The following ZBTB4 variants were observed in gnomAD, a reference collection of about 807,000 sequenced individuals.
The protein encoded by ZBTB4 is zinc finger and BTB domain-containing protein 4.
In ZBTB4, 14 loss-of-function variants were observed where a neutral mutation model predicts 59.8. The ratio of observed to expected loss-of-function variants is 0.23; its 90% CI spans 0.15 to 0.37. The LOEUF is 0.37. Ranked by LOEUF, ZBTB4 falls within the 10% of genes least tolerant of loss-of-function variation. The pLI is 1.00. For synonymous variants in ZBTB4, 587 were observed against 575.2 expected, an observed-to-expected ratio of 1.02 and a Z score of -0.29; for missense variants, 1,198 against 1,380.8, an observed-to-expected ratio of 0.87 and a Z score of 2.10.
Position 7,462,575 on chromosome 17 carries a change from A to T in ZBTB4, c.2407T>A (p.Ser803Thr). The change falls in exon 4 of 4, where the codon TCC (serine) becomes ACC (threonine). Residue 803 changes from serine (S) to threonine (T), a missense_variant. Ser to Thr is a moderately conservative substitution (Grantham distance 58). Coordinates refer to ENST00000380599, the MANE Select transcript of ZBTB4 (RefSeq NM_001128833.2). This position sits in a 1 kb window ranked among gnomAD's most constrained non-coding sequence, Gnocchi z 7.5. ...GGTPTPVIAY[S>T]KGSAGTRPGD... ...GGCCTGGTGCCAGCGCTGCCCTTGG[A>T]ATAGGCAATGACAGGGGTTGGGGTG... 1.9e-6 allele frequency: 3 copies of T among 1,613,328 alleles called. No homozygotes were observed. Among genetic ancestry groups the T allele is most frequent in the Non-Finnish European group, 2.5e-6 (3 of 1,179,770 alleles).
chr17:7,482,341 C>A (rs779461416), upstream of ZBTB4: 2 of 1,614,006 alleles, frequency 1.2e-6, no homozygotes, highest in Non-Finnish European at 1.7e-6. Flanking sequence ...GATGTGCCTA[C>A]AGTGCGGTTC....
At chr17:7,478,365 G>C (rs2070298119) in intron 1 of ZBTB4, among the ~76,000 whole-genome samples, 1 of 151,860 alleles carries the variant, frequency 6.6e-6, no homozygotes, top group South Asian at 2.1e-4. Context: ...GGGGTTCCTC[G>C]CTCCTCTCAT....
intron 3 of ZBTB4, among the ~76,000 whole-genome samples, 177 bp from the exon 4 acceptor site, chr17:7,464,067 T>C (rs1319444074): frequency 6.6e-6 from 1 of 152,204 alleles, no homozygotes; most frequent in Non-Finnish European, 1.5e-5. Context: ...GTGCCTCCAC[T>C]GGCTGTGAGA....
In ZBTB4 at chr17:7,465,024, C is replaced by T. The variant is rs531994333; in HGVS notation, c.1091+687G>A. Among the ~76,000 whole-genome samples, 189 of 150,930 alleles carry T rather than the reference C, an allele frequency of 1.3e-3. 1 individual carries two copies. The Middle Eastern group carries it at 0.021, about 17-fold the overall frequency. On this transcript the variant is annotated intron_variant, in intron 3 of 3. Coordinates refer to ENST00000380599, the MANE Select transcript of ZBTB4 (RefSeq NM_001128833.2). ...ACAAAAAATTAGCCGGGCGTGATGG[C>T]GGGCGCCTGTAGTCCCAGCTACTCG... is the stretch of plus-strand genomic sequence containing the variant.
chr17:7,464,179 C>A (rs1363394149), intron 3 of ZBTB4, among the ~76,000 whole-genome samples: 2 of 152,212 alleles, frequency 1.3e-5, no homozygotes, highest in Non-Finnish European at 2.9e-5. Context: ...AACAGGGACA[C>A]CACGTGGAAA....
chr17:7,478,106 G>A (rs1216291079), intron 1 of ZBTB4, among the ~76,000 whole-genome samples: 1 of 152,102 alleles, frequency 6.6e-6, no homozygotes, highest in Non-Finnish European at 1.5e-5. Context: ...TCTTGGGTCT[G>A]AGGCCCACAC....
At chr17:7,467,615 C>T (rs998459841) in intron 1 of ZBTB4, among the ~76,000 whole-genome samples, 27 of 152,164 alleles carry the variant, frequency 1.8e-4, no homozygotes, top group African/African-American at 6.0e-4. Context: ...AATTCACCTC[C>T]AAACAATATA....
chr17:7,468,640 A>T (rs2070159507), intron 1 of ZBTB4, among the ~76,000 whole-genome samples: 1 of 152,110 alleles, frequency 6.6e-6, no homozygotes, highest in Admixed American at 6.5e-5. Flanking sequence ...TCTGCCCTCC[A>T]CAAAGCCTGG....
intron 1 of ZBTB4, among the ~76,000 whole-genome samples, chr17:7,469,348 A>G (rs1456430773): frequency 2.0e-5 from 3 of 151,862 alleles, no homozygotes; most frequent in African/African-American, 7.2e-5. Context: ...TTGTATTTTT[A>G]GTAGAGACAG....
At position 7,463,315 on chromosome 17, in the gene ZBTB4, T is replaced by C; in HGVS notation, c.1667A>G (p.Glu556Gly). The C allele has an allele frequency of 6.2e-7, 1 of 1,609,094 alleles. No homozygotes were observed. Among genetic ancestry groups the C allele is most frequent in the Non-Finnish European group, 8.5e-7 (1 of 1,178,012 alleles). Residue 556 changes from glutamate to glycine, a missense_variant, in exon 4 of 4, where the codon GAG becomes GGG. Around this residue, in one of 9 missense-constraint regions of ZBTB4, gnomAD observed 550 missense variants for 541.8 expected, o/e 1.02. Coordinates refer to ENST00000380599, the MANE Select transcript of ZBTB4 (RefSeq NM_001128833.2). The stretch of plus-strand genomic sequence containing the variant: ...AGCCCGTGGATTCCGGCCCTTGGCC[T>C]CCTCCGTGGTGGTGGCCATGGCTGG... ...AGPAMATTTE[E>G]AKGRNPRAGR... is the part of the protein sequence containing the mutation.
upstream of ZBTB4, chr17:7,482,527 G>A: frequency 6.2e-7 from 1 of 1,613,208 alleles, no homozygotes; most frequent in African/African-American, 1.3e-5. Context: ...GGACACTACA[G>A]GAGGGGATCA....
upstream of ZBTB4, chr17:7,482,807 A>G (rs762627600): frequency 2.6e-5 from 42 of 1,611,904 alleles, no homozygotes; most frequent in African/African-American, 4.5e-4. Flanking sequence ...CTATGCGGTC[A>G]CCAAGGCCCA....
rs1191360831 is a variant in ZBTB4 at position 7,479,601 on chromosome 17, T to TGCC, written c.-229_-227dup. On this transcript the variant is annotated 5_prime_UTR_variant, in exon 1 of 4. Coordinates refer to ENST00000380599, the MANE Select transcript of ZBTB4 (RefSeq NM_001128833.2). ...GCGCCTGGCCCCGGCCCGGCCCCGC[T>TGCC]GCCGCCGCCGCCGCCGCCGCTGACA... is the stretch of plus-strand genomic sequence containing the variant. 6.1e-5 allele frequency: 10 copies of TGCC among 164,408 alleles called. No individual in the cohort carries two copies. Among genetic ancestry groups the TGCC allele is most frequent in the South Asian group, 3.4e-4 (2 of 5,798 alleles). 10.2% of individuals were successfully genotyped at this position (164,408 alleles called of 1,614,324 possible). A position where few individuals can be genotyped will look rare whatever the true frequency, so the allele number is the denominator to read the frequency against.
In ZBTB4 at chr17:7,463,432, G is replaced by C. The variant is rs200807242; in HGVS notation, c.1550C>G (p.Pro517Arg). The C allele has an allele frequency of 6.4e-7, 1 of 1,561,088 alleles. No individual in the cohort carries two copies. Among genetic ancestry groups the C allele is most frequent in the East Asian group, 2.3e-5 (1 of 43,946 alleles). The change falls in exon 4 of 4, where the codon CCC (proline) becomes CGC (arginine). Residue 517 changes from proline (P) to arginine (R), a missense_variant. Transcript: ENST00000380599. The stretch of plus-strand genomic sequence containing the variant: ...AGGAGGTGGGTATTCTCGTTTCTTG[G>C]GTGGCCTCGGGGGAGCAGTGTAAGT... ...VITYTAPPRP[P>R]KKREYPPPPP...
upstream of ZBTB4, chr17:7,481,944 G>C: frequency 6.5e-7 from 1 of 1,548,460 alleles, no homozygotes; most frequent in Non-Finnish European, 8.7e-7. Context: ...CAGGTCGCCT[G>C]GGCTGCGGCT....
Position 7,465,690 on chromosome 17 carries a change from C to T in ZBTB4, c.1091+21G>A, listed in dbSNP as rs533527749. On this transcript the variant is annotated intron_variant, in intron 3 of 3. Transcript: ENST00000380599. ...TGAGTGCCAGCCTCCAGCCGCTCCC[C>T]CGCCAGCCTGGATCACTCACCTGCG... The T allele has an allele frequency of 2.5e-6, 4 of 1,572,610 alleles. No homozygotes were observed. In the East Asian group the frequency reaches 6.8e-5, roughly 27 times the overall value.
chr17:7,473,879 G>A (rs1463924064), intron 1 of ZBTB4, among the ~76,000 whole-genome samples: 2 of 152,002 alleles, frequency 1.3e-5, no homozygotes, highest in Non-Finnish European at 2.9e-5. Context: ...TGGAATGTAA[G>A]CTCCAAGGGG....
At chr17:7,468,187 A>G (rs2070153186) in intron 1 of ZBTB4, among the ~76,000 whole-genome samples, 1 of 152,202 alleles carries the variant, frequency 6.6e-6, no homozygotes, top group Non-Finnish European at 1.5e-5. Context: ...CCTGACCAAC[A>G]TGGTGAAACC....
At chr17:7,468,673 G>C (rs1174101491) in intron 1 of ZBTB4, among the ~76,000 whole-genome samples, 7 of 152,186 alleles carry the variant, frequency 4.6e-5, no homozygotes, top group Non-Finnish European at 2.9e-5. Flanking sequence ...ATCTTTGAGG[G>C]TGTCCTTCCG....
Sources: allele counts gnomAD v4.1 joint callset (sites outside exome capture counted in the v4.1 genomes callset), GRCh38; gene constraint gnomAD v4.1.1; regional missense constraint gnomAD v4.1.1; non-coding constraint Gnocchi (gnomAD v3.1); transcripts MANE v1.5; gene names NCBI Gene and HGNC (gene_info 2026-07-23, HGNC 2026-07-21).